The following SPOCK1 variants were observed in gnomAD, a reference collection of about 807,000 sequenced individuals.
SPOCK1 encodes the protein testican-1.
SPOCK1 carries 23 observed loss-of-function variants against 55.3 expected under a neutral mutation model. The observed-to-expected ratio is 0.42, with a 90% confidence interval of 0.30 to 0.59. The LOEUF (loss-of-function observed/expected upper bound fraction) is 0.59, where lower values mean the gene tolerates loss of function less well. Ranked by LOEUF, SPOCK1 falls within the 20% of genes least tolerant of loss-of-function variation. SPOCK1 has a pLI of 0.22. For synonymous variants in SPOCK1, 226 were observed against 221.0 expected, an observed-to-expected ratio of 1.02 and a Z score of -0.20; for missense variants, 499 against 552.5, an observed-to-expected ratio of 0.90 and a Z score of 0.97.
chr5:137,304,393 T>A, intron 2 of SPOCK1, among the ~76,000 whole-genome samples: 1 of 152,278 alleles, frequency 6.6e-6, no homozygotes, highest in Non-Finnish European at 1.5e-5. Context: ...CTGCTTTTCC[T>A]CTCAGGCTTC....
intron 2 of SPOCK1, among the ~76,000 whole-genome samples, chr5:137,434,432 C>A (rs1220133809): frequency 2.0e-5 from 3 of 147,672 alleles, no homozygotes; most frequent in South Asian, 2.1e-4. Context: ...GGTACAAATC[C>A]TTAAAAGTGA....
intron 7 of SPOCK1, among the ~76,000 whole-genome samples, chr5:136,989,423 C>T (rs181757119): frequency 1.5e-3 from 232 of 152,288 alleles, no homozygotes; most frequent in African/African-American, 5.3e-3. Flanking sequence ...TCAAAGGTCC[C>T]GTGCAATCTC....
intron 3 of SPOCK1, among the ~76,000 whole-genome samples, chr5:137,219,544 G>A (rs1755805381): frequency 6.6e-6 from 1 of 152,198 alleles, no homozygotes; most frequent in South Asian, 2.1e-4. Flanking sequence ...TAAGAATCAT[G>A]CCTTTTTTTC....
intron 3 of SPOCK1, among the ~76,000 whole-genome samples, chr5:137,255,696 T>A (rs1230162607): frequency 6.6e-6 from 1 of 152,150 alleles, no homozygotes; most frequent in Non-Finnish European, 1.5e-5. Flanking sequence ...CTCAAGTGCA[T>A]TGATTACCAT....
intron 2 of SPOCK1, among the ~76,000 whole-genome samples, chr5:137,306,529 T>C (rs1757703562): frequency 6.6e-6 from 1 of 152,102 alleles, no homozygotes; most frequent in African/African-American, 2.4e-5. Flanking sequence ...AAAAGCAAAT[T>C]TCCTCAGCCA....
At chr5:137,475,601 G>C (rs1427532087) in intron 2 of SPOCK1, among the ~76,000 whole-genome samples, 3 of 133,228 alleles carry the variant, frequency 2.3e-5, no homozygotes, top group African/African-American at 8.4e-5. Flanking sequence ...TATTTATTTT[G>C]AGACAAGGTT....
chr5:137,418,140 T>C (rs1265629824), intron 2 of SPOCK1, among the ~76,000 whole-genome samples: 1 of 152,220 alleles, frequency 6.6e-6, no homozygotes. Context: ...GAACTCATCA[T>C]TTTTTATGGC....
At chr5:137,472,703 C>A (rs149063293) in intron 2 of SPOCK1, among the ~76,000 whole-genome samples, 182 of 152,314 alleles carry the variant, frequency 1.2e-3, no homozygotes, top group African/African-American at 4.3e-3. Flanking sequence ...ACACAGGGAA[C>A]AACCCCAGTT....
chr5:137,318,595 T>C (rs1757925637), intron 2 of SPOCK1, among the ~76,000 whole-genome samples: 2 of 152,194 alleles, frequency 1.3e-5, no homozygotes, highest in South Asian at 2.1e-4. Flanking sequence ...ATTGTTTAGA[T>C]GGCCAAGTGG....
Position 137,112,507 on chromosome 5 carries a change from G to A in SPOCK1, c.402C>T (p.Val134=). 6.2e-7 allele frequency: 1 copy of A among 1,613,856 alleles called. No homozygotes were observed. The highest frequency in any genetic ancestry group is 8.5e-7 in the Non-Finnish European group (1 of 1,180,008). ...GTGCCACGGGACAGGGCTTGCACTT[G>A]ACCAAATTCGAAGGTCCAACCCAGT... ...QKHWVGPSNL[V]KCKPCPVAQS... is the part of the protein sequence containing the mutation. The change falls in exon 5 of 11, where the codon GTC becomes GTT. Residue 134 remains valine (V), a synonymous_variant. Coordinates refer to ENST00000394945, the MANE Select transcript of SPOCK1 (RefSeq NM_004598.4).
At chr5:137,464,354 T>C (rs1447354851) in intron 2 of SPOCK1, among the ~76,000 whole-genome samples, 1 of 152,144 alleles carries the variant, frequency 6.6e-6, no homozygotes, top group East Asian at 1.9e-4. Context: ...ATACTCAATT[T>C]TTTGTGATGT....
chr5:137,065,386 G>A (rs1012062043), intron 6 of SPOCK1, among the ~76,000 whole-genome samples: 1 of 152,174 alleles, frequency 6.6e-6, no homozygotes, highest in Non-Finnish European at 1.5e-5. Flanking sequence ...AAACTTTGCT[G>A]TAAGTCAGAG....
chr5:137,316,305 C>A (rs1232740462), intron 2 of SPOCK1, among the ~76,000 whole-genome samples: 1 of 152,228 alleles, frequency 6.6e-6, no homozygotes, highest in African/African-American at 2.4e-5. Flanking sequence ...ATGAGCAACA[C>A]CTGAATTTGG....
chr5:137,070,370 T>C (rs1374747902), intron 5 of SPOCK1, among the ~76,000 whole-genome samples: 1 of 152,236 alleles, frequency 6.6e-6, no homozygotes, highest in Non-Finnish European at 1.5e-5. Flanking sequence ...CAGAATGACT[T>C]CCTTCCTGCT....
At chr5:137,089,210 G>A (rs922561261) in intron 5 of SPOCK1, among the ~76,000 whole-genome samples, 8 of 152,030 alleles carry the variant, frequency 5.3e-5, no homozygotes, top group Admixed American at 3.3e-4. Context: ...GAGTGTCAAA[G>A]TCTTTGACAC....
chr5:137,451,869 G>A (rs1285041920), intron 2 of SPOCK1, among the ~76,000 whole-genome samples: 1 of 152,116 alleles, frequency 6.6e-6, no homozygotes, highest in Non-Finnish European at 1.5e-5. Flanking sequence ...GTATATTTTT[G>A]AGTTCTACAA....
chr5:137,132,020 A>ATATATATATATAT (rs1491415264), intron 4 of SPOCK1, among the ~76,000 whole-genome samples: 2 of 84,274 alleles, frequency 2.4e-5, no homozygotes, highest in African/African-American at 9.5e-5. Context: ...ATATATATAT[A>ATATATATATATAT]AAAAATTAGC....
intron 2 of SPOCK1, among the ~76,000 whole-genome samples, chr5:137,378,799 T>C (rs961890041): frequency 6.6e-6 from 1 of 152,160 alleles, no homozygotes; most frequent in Non-Finnish European, 1.5e-5. Flanking sequence ...TCAGTTTCCT[T>C]GTGGGGAGTT....
At chr5:137,187,315 G>T (rs73304849) in intron 3 of SPOCK1, among the ~76,000 whole-genome samples, 25,364 of 151,996 alleles carry the variant, frequency 0.17, 2,318 homozygotes, top group African/African-American at 0.22. Context: ...AGCAAGCTGG[G>T]GCCAGTGTTT....
Sources: gnomAD v4.1 joint callset for allele counts (sites outside exome capture counted in the v4.1 genomes callset) on GRCh38, gnomAD v4.1.1 for gene constraint, MANE v1.5 for transcripts, NCBI Gene and HGNC (gene_info 2026-07-23, HGNC 2026-07-21) for gene names.